FANCA: variants seen among roughly 807,000 people sequenced by gnomAD.
The protein encoded by FANCA is Fanconi anemia group A protein.
A neutral mutation model predicts 194.3 loss-of-function variants in FANCA; 236 were observed. The observed-to-expected ratio is 1.21, with a 90% CI of 1.09 to 1.35. FANCA has a LOEUF of 1.35. Ranked by LOEUF, FANCA falls within the 40% of genes most tolerant of loss-of-function variation. The probability of loss-of-function intolerance (pLI) is 0.00; values close to 1 mark genes in which losing one functional copy is unlikely to be tolerated. For synonymous variants in FANCA, 1,014 were observed against 715.8 expected, an observed-to-expected ratio of 1.42 and a Z score of -6.65; for missense variants, 2,628 against 1,813.9, an observed-to-expected ratio of 1.45 and a Z score of -8.15.
At chr16:89,802,156 G>C (rs2040478535) in intron 8 of FANCA, among the ~76,000 whole-genome samples, 1 of 152,176 alleles carries the variant, frequency 6.6e-6, no homozygotes, top group Non-Finnish European at 1.5e-5. Flanking sequence ...CCAGGCTAGA[G>C]TGCAAGGCGC....
intron 31 of FANCA, among the ~76,000 whole-genome samples, chr16:89,750,492 C>CAAAAAAA (rs1567604497): frequency 1.9e-5 from 2 of 104,266 alleles, no homozygotes; most frequent in African/African-American, 3.2e-5. Flanking sequence ...CAAAAAAAAA[C>CAAAAAAA]AAACAAAAAA....
intron 3 of FANCA, among the ~76,000 whole-genome samples, chr16:89,812,284 G>A (rs2040915659): frequency 6.6e-6 from 1 of 150,480 alleles, no homozygotes; most frequent in Non-Finnish European, 1.5e-5. Context: ...TTTGCAGTGA[G>A]CCGAGATCAC....
At chr16:89,773,237 A>C (rs1176153554) in intron 22 of FANCA, 34 bp downstream of exon 22, 1 of 1,493,406 alleles carries the variant, frequency 6.7e-7, no homozygotes, top group South Asian at 1.2e-5. Context: ...GGCTGCACAC[A>C]TGAGACACAG....
chr16:89,809,655 G>C (rs1191479513), intron 5 of FANCA, among the ~76,000 whole-genome samples: 1 of 151,622 alleles, frequency 6.6e-6, no homozygotes. Flanking sequence ...TTTGAGACCA[G>C]CCTGACCAAC....
At chr16:89,793,753 G>C (rs963235954) in intron 11 of FANCA, among the ~76,000 whole-genome samples, 2 of 151,886 alleles carry the variant, frequency 1.3e-5, no homozygotes, top group Non-Finnish European at 2.9e-5. Flanking sequence ...GATACTTTTT[G>C]TATTTTTATT....
At chr16:89,796,365 C>T (rs893946535) in intron 10 of FANCA, among the ~76,000 whole-genome samples, 1 of 152,142 alleles carries the variant, frequency 6.6e-6, no homozygotes, top group African/African-American at 2.4e-5. Flanking sequence ...GGAGCCAACC[C>T]GACGGGGCCT....
chr16:89,754,507 A>C (rs981443606), intron 30 of FANCA, among the ~76,000 whole-genome samples: 1 of 151,994 alleles, frequency 6.6e-6, no homozygotes, highest in African/African-American at 2.4e-5. Context: ...CAAGTAACGG[A>C]TTACAGGAGC....
At chr16:89,811,977 C>A (rs111966425) in intron 3 of FANCA, among the ~76,000 whole-genome samples, 8 of 151,612 alleles carry the variant, frequency 5.3e-5, no homozygotes, top group African/African-American at 1.9e-4. Flanking sequence ...TTAATCCGCC[C>A]GCCTCGGCCT....
At chr16:89,771,835 T>G in intron 22 of FANCA, 21 bp from the exon 23 acceptor site, 1 of 1,613,086 alleles carries the variant, frequency 6.2e-7, no homozygotes, top group South Asian at 1.1e-5. Context: ...AGAAACTAGT[T>G]AGGGATGACA....
chr16:89,792,638 C>A lies in FANCA; in HGVS notation c.1007-91G>T. 4.6e-6 allele frequency: 5 copies of A among 1,076,764 alleles called. No homozygotes were observed. The South Asian group carries it at 5.2e-5, about 11-fold the overall frequency. The allele number at this position is 1,076,764 out of a possible 1,614,324, so 66.7% of individuals were successfully genotyped here. A position where few individuals can be genotyped will look rare whatever the true frequency, so the allele number is the denominator to read the frequency against. ...GACCAGCCCCACAGGGTCGGTGGGT[C>A]TCTCCCCGTGTGCGGCGACGAGAGA... On this transcript the variant is annotated intron_variant, in intron 11 of 42. Transcript: ENST00000389301.
chr16:89,795,330 A>T (rs1416606578), intron 11 of FANCA, among the ~76,000 whole-genome samples: 1 of 151,234 alleles, frequency 6.6e-6, no homozygotes, highest in African/African-American at 2.4e-5. Flanking sequence ...AAATAAAATA[A>T]AGATATTTCT....
intron 11 of FANCA, among the ~76,000 whole-genome samples, chr16:89,794,082 ACAGATCT>A (rs1414511886): frequency 7.8e-6 from 1 of 128,156 alleles, no homozygotes; most frequent in East Asian, 3.9e-4. Flanking sequence ...CAGTGTGAAG[ACAGATCT>A]TAATATGTAC....
At chr16:89,767,273 A>G in intron 26 of FANCA, 36 bp from the exon 27 acceptor site, 1 of 1,431,372 alleles carries the variant, frequency 7.0e-7, no homozygotes, top group Non-Finnish European at 9.8e-7. Flanking sequence ...AATGTAATCC[A>G]TACAAAATAA....
chr16:89,748,047 G>C lies in FANCA; in HGVS notation c.3348+612C>G, dbSNP rs532300155. 1.1e-4 allele frequency among the ~76,000 whole-genome samples: 16 copies of C among 152,304 alleles called. No individual in the cohort carries two copies. The South Asian group carries it at 2.3e-3, about 22-fold the overall frequency. ...CTGACCCAGCCTCTCAAGTAGGTGG[G>C]AGTACAGGCGTGCACCACCATACCC... On this transcript the variant is annotated intron_variant, in intron 33 of 42. Transcript: ENST00000389301.
chr16:89,739,408 A>G, intron 40 of FANCA, 70 bp downstream of exon 40: 1 of 1,557,836 alleles, frequency 6.4e-7, no homozygotes, highest in South Asian at 1.2e-5. Context: ...ATCTGGCGGG[A>G]CCCAGAGGTG....
chr16:89,812,640 C>G (rs1480497281), intron 3 of FANCA, among the ~76,000 whole-genome samples: 1 of 81,904 alleles, frequency 1.2e-5, no homozygotes. Context: ...GAGCAATACT[C>G]CGTCTCAAAA....
intron 38 of FANCA, 126 bp from the exon 39 acceptor site, chr16:89,740,225 C>T: frequency 2.4e-6 from 2 of 842,006 alleles, no homozygotes; most frequent in South Asian, 1.3e-5. Flanking sequence ...AAACTGGTGA[C>T]AGTTTTACCT....
In FANCA at chr16:89,767,232, C is replaced by G. The variant is rs1421883805; in HGVS notation, c.2510G>C (p.Cys837Ser). The change falls in exon 27 of 43, where the codon TGT becomes TCT. Residue 837 changes from cysteine (C) to serine (S), a missense_variant. By Grantham distance (112) the Cys-to-Ser change is moderately radical. Coordinates refer to ENST00000389301, the MANE Select transcript of FANCA (RefSeq NM_000135.4). The part of the protein sequence containing the change: ...RDSLFFCLKF[C>S]TAAISYSLCK... ...GAGAGAGTAAGAAATTGCTGCTGTA[C>G]AAAATCTGAAAACAGAAATTATAAC... is the stretch of plus-strand genomic sequence containing the variant. 6.2e-7 allele frequency: 1 copy of G among 1,609,236 alleles called. No homozygotes were observed. The highest frequency in any genetic ancestry group is 1.1e-5 in the South Asian group (1 of 90,984).
At chr16:89,753,815 G>A (rs2038679541) in intron 30 of FANCA, among the ~76,000 whole-genome samples, 1 of 152,186 alleles carries the variant, frequency 6.6e-6, no homozygotes. Flanking sequence ...AGCACTTTGG[G>A]AGGCCGAGGC....
Sources: gnomAD v4.1 joint callset for allele counts (sites outside exome capture counted in the v4.1 genomes callset) on GRCh38, gnomAD v4.1.1 for gene constraint, MANE v1.5 for transcripts, NCBI Gene and HGNC (gene_info 2026-07-23, HGNC 2026-07-21) for gene names.